ADCY2: variants seen among roughly 807,000 people sequenced by gnomAD.
ADCY2 encodes the protein adenylate cyclase type 2.
In ADCY2, 31 loss-of-function variants were observed where a neutral mutation model predicts 125.2. The ratio of observed to expected loss-of-function variants is 0.25; its 90% CI spans 0.19 to 0.33. The LOEUF (loss-of-function observed/expected upper bound fraction) is 0.33. Ranked by LOEUF, ADCY2 falls within the 10% of genes least tolerant of loss-of-function variation. The probability of loss-of-function intolerance (pLI) is 1.00; values close to 1 mark genes in which losing one functional copy is unlikely to be tolerated. For missense variants in ADCY2, 904 were observed against 1,418.2 expected (o/e 0.64, Z 5.82); for synonymous variants, 512 against 548.4 (o/e 0.93, Z 0.93).
chr5:7,596,724 C>T (rs541824155), intron 3 of ADCY2, among the ~76,000 whole-genome samples: 1 of 152,278 alleles, frequency 6.6e-6, no homozygotes, highest in African/African-American at 2.4e-5. Context: ...CTGCATCTAC[C>T]CCACCTGTGT....
intron 3 of ADCY2, among the ~76,000 whole-genome samples, chr5:7,611,438 G>C (rs1018865441): frequency 2.6e-5 from 4 of 152,002 alleles, no homozygotes; most frequent in Non-Finnish European, 5.9e-5. Context: ...TTTTAGTCTT[G>C]ATTGTTAAAC....
At chr5:7,666,044 T>C (rs1257320572) in intron 4 of ADCY2, among the ~76,000 whole-genome samples, 26 of 151,220 alleles carry the variant, frequency 1.7e-4, no homozygotes, top group African/African-American at 4.6e-4. Flanking sequence ...TTCACCATGT[T>C]AGCCAGGATG....
chr5:7,708,014 T>C (rs192674569), intron 9 of ADCY2, 176 bp downstream of exon 9: 2 of 698,558 alleles, frequency 2.9e-6, no homozygotes, highest in Non-Finnish European at 4.5e-6. Context: ...TGAATTCAAA[T>C]ACTTATTAAA....
intron 2 of ADCY2, among the ~76,000 whole-genome samples, chr5:7,494,674 G>C (rs1465487536): frequency 6.6e-6 from 1 of 152,124 alleles, no homozygotes; most frequent in Admixed American, 6.5e-5. Flanking sequence ...GGTTACGGAG[G>C]CAGAGACTCT....
At chr5:7,791,584 G>C (rs1744249716) in intron 20 of ADCY2, among the ~76,000 whole-genome samples, 1 of 152,044 alleles carries the variant, frequency 6.6e-6, no homozygotes, top group South Asian at 2.1e-4. Flanking sequence ...CTCTTCTCCT[G>C]GTGTTTACTA....
At chr5:7,438,348 T>C (rs1379857615) in intron 2 of ADCY2, among the ~76,000 whole-genome samples, 1 of 152,230 alleles carries the variant, frequency 6.6e-6, no homozygotes, top group Non-Finnish European at 1.5e-5. Flanking sequence ...TCATGGAGCT[T>C]ACACTCTACC....
At chr5:7,758,764 G>A (rs1483008023) in intron 16 of ADCY2, among the ~76,000 whole-genome samples, 2 of 152,048 alleles carry the variant, frequency 1.3e-5, no homozygotes, top group Admixed American at 6.6e-5. Flanking sequence ...CCTGGAGGGC[G>A]GAAAGGAGGA....
chr5:7,450,476 A>G (rs2126418820), intron 2 of ADCY2, among the ~76,000 whole-genome samples: 1 of 152,346 alleles, frequency 6.6e-6, no homozygotes, highest in South Asian at 2.1e-4. Flanking sequence ...AAAAGTGGGA[A>G]TCTAGCAGAG....
intron 17 of ADCY2, among the ~76,000 whole-genome samples, chr5:7,769,640 A>T (rs1052697603): frequency 1.3e-5 from 2 of 152,166 alleles, no homozygotes; most frequent in African/African-American, 4.8e-5. Context: ...TAAAATACCC[A>T]AATTAGCTAT....
chr5:7,665,828 CTTTT>C (rs70940750), intron 4 of ADCY2, among the ~76,000 whole-genome samples: 1 of 38,616 alleles, frequency 2.6e-5, no homozygotes, highest in East Asian at 1.3e-3. Flanking sequence ...TAATTTAATT[CTTTT>C]TTTTTTTTTT....
chr5:7,589,694 T>G (rs1736785804), intron 3 of ADCY2, among the ~76,000 whole-genome samples: 1 of 152,116 alleles, frequency 6.6e-6, no homozygotes, highest in African/African-American at 2.4e-5. Flanking sequence ...TTCCTCCTGT[T>G]TGTCCACCAA....
At chr5:7,401,604 C>T (rs1335752934) in intron 1 of ADCY2, among the ~76,000 whole-genome samples, 1 of 152,176 alleles carries the variant, frequency 6.6e-6, no homozygotes, top group Non-Finnish European at 1.5e-5. Context: ...GACGTGCTGG[C>T]ATTATTTATT....
chr5:7,433,861 GA>G (rs1406931886), intron 2 of ADCY2, among the ~76,000 whole-genome samples: 8 of 151,988 alleles, frequency 5.3e-5, no homozygotes, highest in Non-Finnish European at 8.8e-5. Context: ...ATTAACAAAA[GA>G]AAAAAATTGG....
chr5:7,706,936 A>G (rs1741284885), intron 8 of ADCY2, 34 bp downstream of exon 8: 1 of 1,612,568 alleles, frequency 6.2e-7, no homozygotes, highest in South Asian at 1.1e-5. Context: ...TTCTTCAAGC[A>G]GGCAGAACTA....
At chr5:7,686,226 G>A (rs1021093406) in intron 4 of ADCY2, among the ~76,000 whole-genome samples, 1 of 152,048 alleles carries the variant, frequency 6.6e-6, no homozygotes, top group Non-Finnish European at 1.5e-5. Flanking sequence ...CCTACCAATT[G>A]AAATAGTCTA....
intron 2 of ADCY2, among the ~76,000 whole-genome samples, chr5:7,431,653 G>GA (rs1740606865): frequency 6.6e-6 from 1 of 151,622 alleles, no homozygotes; most frequent in Admixed American, 6.6e-5. Flanking sequence ...CCACAGGCAG[G>GA]AAAAAATAGT....
chr5:7,600,621 T>C (rs192497985), intron 3 of ADCY2, among the ~76,000 whole-genome samples: 32 of 152,274 alleles, frequency 2.1e-4, no homozygotes, highest in Non-Finnish European at 4.6e-4. Context: ...CTGGAGTGGC[T>C]CAGTCTCAAC....
intron 4 of ADCY2, among the ~76,000 whole-genome samples, chr5:7,637,307 T>G (rs1738543166): frequency 2.0e-5 from 3 of 151,276 alleles, no homozygotes; most frequent in Non-Finnish European, 4.4e-5. Context: ...CTGTCTCTAC[T>G]AGAAATACAA....
At chr5:7,817,691 C>T (rs326160) in intron 23 of ADCY2, among the ~76,000 whole-genome samples, 6,633 of 151,960 alleles carry the variant, frequency 0.044, 421 homozygotes, top group African/African-American at 0.14. Context: ...AGCTTGGCGG[C>T]GCACGCCTGT....
Sources: allele counts gnomAD v4.1 joint callset (sites outside exome capture counted in the v4.1 genomes callset), GRCh38; gene constraint gnomAD v4.1.1; transcripts MANE v1.5; gene names NCBI Gene and HGNC (gene_info 2026-07-23, HGNC 2026-07-21).